Variants in CHST3 observed in about 807,000 individuals in gnomAD.
The protein encoded by CHST3 is C6ST-1.
Under a neutral mutation model 35.4 loss-of-function variants are expected in CHST3, and 20 were observed. The observed-to-expected ratio is 0.57, with a 90% CI of 0.40 to 0.82. The LOEUF (loss-of-function observed/expected upper bound fraction) is 0.82, where lower values mean the gene tolerates loss of function less well. Among genes scored for constraint, CHST3 ranks in the 40% least tolerant of loss-of-function variants. CHST3 has a pLI of 0.00. For synonymous variants in CHST3, 334 were observed against 295.9 expected, an observed-to-expected ratio of 1.13 and a Z score of -1.32; for missense variants, 693 against 670.1, an observed-to-expected ratio of 1.03 and a Z score of -0.38.
In CHST3 at chr10:72,007,180, A is replaced by G; in HGVS notation, c.149A>G (p.Asp50Gly). ...CTTCTTTGTCCTCACAGGGTCTCAG[A>G]CAAGCTGAAGCAGATTCCCCAAGCT... ...KENKIISRVS[D>G]KLKQIPQALA... The change falls in exon 3 of 3, where the codon GAC becomes GGC. Residue 50 changes from aspartate (D) to glycine (G), a missense_variant. Asp to Gly is a moderately conservative substitution (Grantham distance 94, BLOSUM62 -1). Coordinates refer to ENST00000373115, the MANE Select transcript of CHST3 (RefSeq NM_004273.5). The G allele has an allele frequency of 6.2e-7, 1 of 1,614,108 alleles. No individual in the cohort carries two copies. Among genetic ancestry groups the G allele is most frequent in the African/African-American group, 1.3e-5 (1 of 75,052 alleles).
intron 1 of CHST3, among the ~76,000 whole-genome samples, chr10:71,997,550 G>A (rs1589505180): frequency 6.6e-6 from 1 of 152,084 alleles, no homozygotes; most frequent in Non-Finnish European, 1.5e-5. Context: ...CACTTCCAAA[G>A]TGATAATACA....
chr10:72,008,200 G>A lies in CHST3; in HGVS notation c.1169G>A (p.Gly390Asp). The A allele has an allele frequency of 1.3e-6, 2 of 1,551,162 alleles. No individual in the cohort carries two copies. Among genetic ancestry groups the A allele is most frequent in the Middle Eastern group, 1.8e-4 (1 of 5,630 alleles). The change falls in exon 3 of 3, where the codon GGC becomes GAC. Residue 390 changes from glycine (G) to aspartate (D), a missense_variant. By Grantham distance (94) the Gly-to-Asp change is moderately conservative (BLOSUM62 -1). Coordinates refer to ENST00000373115, the MANE Select transcript of CHST3 (RefSeq NM_004273.5). ...QKAREMYRFAGIPLTPQVEDW... is the reference protein window; with the variant it reads ...QKAREMYRFADIPLTPQVEDW... ...GCCCGCGAGATGTACCGCTTCGCCGGCATCCCCCTGACCCCGCAGGTGGAA... is the reference window on the plus strand; with the variant it reads ...GCCCGCGAGATGTACCGCTTCGCCGACATCCCCCTGACCCCGCAGGTGGAA...
intron 1 of CHST3, among the ~76,000 whole-genome samples, chr10:71,967,787 A>T (rs759241544): frequency 5.3e-5 from 8 of 152,148 alleles, no homozygotes; most frequent in Non-Finnish European, 1.2e-4. Context: ...TTACATACCC[A>T]TCAGCAGTGT....
chr10:71,972,336 G>A (rs907457570), intron 1 of CHST3, among the ~76,000 whole-genome samples: 15 of 152,062 alleles, frequency 9.9e-5, no homozygotes, highest in African/African-American at 3.6e-4. Context: ...TTTTCAAACC[G>A]TGGCCAGTGC....
Position 72,012,132 on chromosome 10 carries a change from C to A in CHST3, c.*3661C>A, listed in dbSNP as rs543019822. ...TCAGCCTGGGAGCTACTGCCAGAGGCTGGCGTAGTGGGGCAGCTGCTGACC... is the reference window on the plus strand; with the variant it reads ...TCAGCCTGGGAGCTACTGCCAGAGGATGGCGTAGTGGGGCAGCTGCTGACC... On this transcript the variant is annotated 3_prime_UTR_variant, in exon 3 of 3. Coordinates refer to ENST00000373115, the MANE Select transcript of CHST3 (RefSeq NM_004273.5). The A allele has an allele frequency of 4.6e-5, 7 of 152,350 alleles. No individual in the cohort carries two copies. The highest frequency in any genetic ancestry group is 1.7e-4 in the African/African-American group (7 of 41,576). The allele number at this position is 152,350 out of a possible 1,614,324, so 9.4% of individuals were successfully genotyped here.
intron 1 of CHST3, among the ~76,000 whole-genome samples, chr10:71,969,174 G>A (rs1258303299): frequency 6.6e-6 from 1 of 152,164 alleles, no homozygotes. Flanking sequence ...AGCAGCCAGG[G>A]GAGGTGATAA....
At chr10:71,999,675 G>A (rs1296284433) in intron 1 of CHST3, among the ~76,000 whole-genome samples, 18 of 152,234 alleles carry the variant, frequency 1.2e-4, no homozygotes, top group Admixed American at 1.2e-3. Context: ...TTCCCCGGAG[G>A]AGGCCGGAAC....
intron 1 of CHST3, among the ~76,000 whole-genome samples, chr10:71,969,638 C>T (rs758488914): frequency 6.6e-6 from 1 of 152,240 alleles, no homozygotes; most frequent in African/African-American, 2.4e-5. Context: ...CCCTCTCCCC[C>T]TCCACTGCAG....
rs559517169 is a variant in CHST3 at position 71,984,303 on chromosome 10, G to A, written c.-108+19609G>A. Among the ~76,000 whole-genome samples the A allele has an allele frequency of 2.9e-4, 44 of 152,342 alleles. 1 individual carries two copies. In the South Asian group the frequency reaches 4.4e-3, roughly 15 times the overall value. On this transcript the variant is annotated intron_variant, in intron 1 of 2. Transcript: ENST00000373115. Reference sequence around the variant, plus strand: ...CTCCCAAAGTGCTGAGATTACAGGCGTGAGCCACCATGCTCGGCTGACGGC... The same window carrying A: ...CTCCCAAAGTGCTGAGATTACAGGCATGAGCCACCATGCTCGGCTGACGGC...
intron 1 of CHST3, among the ~76,000 whole-genome samples, chr10:72,002,772 T>C (rs1451123024): frequency 6.6e-6 from 1 of 152,218 alleles, no homozygotes; most frequent in Non-Finnish European, 1.5e-5. Flanking sequence ...CACCACAGGC[T>C]AAACAGGGTG....
intron 1 of CHST3, among the ~76,000 whole-genome samples, chr10:71,970,820 T>A (rs896896085): frequency 6.6e-6 from 1 of 152,240 alleles, no homozygotes; most frequent in African/African-American, 2.4e-5. Context: ...AGACCAAAGC[T>A]AATTTTCCCG....
intron 1 of CHST3, among the ~76,000 whole-genome samples, chr10:71,971,384 G>A (rs1209796767): frequency 6.6e-6 from 1 of 152,178 alleles, no homozygotes; most frequent in Non-Finnish European, 1.5e-5. Flanking sequence ...TTCATAAGAC[G>A]GCTTCACAGC....
At chr10:72,001,428 T>C (rs1839991887) in intron 1 of CHST3, among the ~76,000 whole-genome samples, 1 of 152,024 alleles carries the variant, frequency 6.6e-6, no homozygotes, top group South Asian at 2.1e-4. Context: ...TGGGCTGTTA[T>C]GTAGTTGCTG....
At chr10:71,965,691 A>G (rs936949094) in intron 1 of CHST3, among the ~76,000 whole-genome samples, 1 of 152,216 alleles carries the variant, frequency 6.6e-6, no homozygotes, top group Non-Finnish European at 1.5e-5. Flanking sequence ...GTGGGCACTC[A>G]GTCAGTACTT....
chr10:71,983,879 G>A (rs1839822942), intron 1 of CHST3, among the ~76,000 whole-genome samples: 1 of 152,208 alleles, frequency 6.6e-6, no homozygotes, highest in African/African-American at 2.4e-5. Flanking sequence ...GCTATAACAG[G>A]AAATACCCTC....
At chr10:71,989,430 G>A (rs1341070159) in intron 1 of CHST3, among the ~76,000 whole-genome samples, 1 of 152,034 alleles carries the variant, frequency 6.6e-6, no homozygotes, top group Non-Finnish European at 1.5e-5. Flanking sequence ...CTAGGCAGTG[G>A]AGCAAGACCC....
intron 1 of CHST3, among the ~76,000 whole-genome samples, chr10:71,973,861 C>G (rs961006226): frequency 6.6e-6 from 1 of 152,206 alleles, no homozygotes; most frequent in Non-Finnish European, 1.5e-5. Flanking sequence ...AAGACAGGGA[C>G]TGGTGAGGAG....
chr10:71,988,995 T>G (rs1839873992), intron 1 of CHST3, among the ~76,000 whole-genome samples: 1 of 152,090 alleles, frequency 6.6e-6, no homozygotes. Context: ...AAACCCCATC[T>G]CTACAAAAAT....
At chr10:71,972,407 G>A (rs1839704363) in intron 1 of CHST3, among the ~76,000 whole-genome samples, 1 of 152,290 alleles carries the variant, frequency 6.6e-6, no homozygotes, top group South Asian at 2.1e-4. Context: ...CCTATTGTGG[G>A]CACTACCAGT....
Sources: allele counts gnomAD v4.1 joint callset (sites outside exome capture counted in the v4.1 genomes callset), GRCh38; gene constraint gnomAD v4.1.1; transcripts MANE v1.5; gene names NCBI Gene and HGNC (gene_info 2026-07-23, HGNC 2026-07-21).